The following ATCAY variants were observed in gnomAD, a reference collection of about 807,000 sequenced individuals.
ATCAY encodes ATCAY kinesin light chain interacting caytaxin.
Under a neutral mutation model 47.7 loss-of-function variants are expected in ATCAY, and 22 were observed. The ratio of observed to expected loss-of-function variants is 0.46; its 90% CI spans 0.33 to 0.66. ATCAY has a LOEUF of 0.66. Among genes scored for constraint, ATCAY ranks in the 30% least tolerant of loss-of-function variants. The pLI, the probability that ATCAY is intolerant of heterozygous loss-of-function variation, is 0.02. For missense variants in ATCAY, 452 were observed against 515.0 expected (o/e 0.88, Z 1.18); for synonymous variants, 216 against 207.6 (o/e 1.04, Z -0.35).
At position 3,926,768 on chromosome 19, in the gene ATCAY, A is replaced by G. The variant is rs755119393; in HGVS notation, c.*2176A>G. ...GTGGAGCCACCGGCTGTGACGGGAC[A>G]CCTCTGGGTCTCAGCATTGCCCTGG... is the stretch of plus-strand genomic sequence containing the variant. On this transcript the variant is annotated 3_prime_UTR_variant, in exon 13 of 13. Transcript: ENST00000450849. 1.3e-5 allele frequency: 2 copies of G among 152,134 alleles called. No individual in the cohort carries two copies. Among genetic ancestry groups the G allele is most frequent in the Non-Finnish European group, 2.9e-5 (2 of 68,026 alleles). The allele number at this position is 152,134 out of a possible 1,614,324, so 9.4% of individuals were successfully genotyped here.
intron 2 of ATCAY, among the ~76,000 whole-genome samples, chr19:3,887,679 G>T (rs1027135578): frequency 6.7e-6 from 1 of 150,298 alleles, no homozygotes; most frequent in East Asian, 2.0e-4. Context: ...GTAGAGACGG[G>T]GTTTCACCAT....
At chr19:3,917,518 G>A (rs1229742678) in intron 9 of ATCAY, among the ~76,000 whole-genome samples, 1 of 145,444 alleles carries the variant, frequency 6.9e-6, no homozygotes, top group Non-Finnish European at 1.5e-5. Flanking sequence ...CGGGGAGGTG[G>A]AGGTTGCAGT....
rs541000774 is a variant in ATCAY at position 3,913,707 on chromosome 19, C to T, written c.867-51C>T. 7 of 1,471,270 alleles carry T rather than the reference C, an allele frequency of 4.8e-6. No individual in the cohort carries two copies. In the African/African-American group the frequency reaches 5.6e-5, roughly 12 times the overall value. The allele number at this position is 1,471,270 out of a possible 1,614,324, so 91.1% of individuals were successfully genotyped here. The stretch of plus-strand genomic sequence containing the variant: ...TGGCTCTGTCTGGACCTAGGTAACC[C>T]CCACCCCATGGGTTGCATTTCAGAC... On this transcript the variant is annotated intron_variant, in intron 8 of 12. Transcript: ENST00000450849.
chr19:3,905,618 G>A lies in ATCAY; in HGVS notation c.321G>A (p.Leu107=). The A allele has an allele frequency of 6.2e-7, 1 of 1,613,642 alleles. No individual in the cohort carries two copies. The highest frequency in any genetic ancestry group is 8.5e-7 in the Non-Finnish European group (1 of 1,179,824). ...AGACCCCCGATGAGACCGACTCGCT[G>A]GAGTTCCTGGGGAATGGCAACGAAC... ...DIETPDETDS[L]EFLGNGNELE... is the part of the protein sequence containing the mutation. Residue 107 remains leucine, a synonymous_variant, in exon 4 of 13, where the codon CTG becomes CTA. Transcript: ENST00000450849.
intron 2 of ATCAY, chr19:3,895,222 GTT>G: frequency 2.2e-6 from 1 of 456,090 alleles, no homozygotes; most frequent in Non-Finnish European, 4.4e-6. Flanking sequence ...TGCAGTTTTT[GTT>G]TTTGTTTTTG....
chr19:3,894,144 G>A (rs2038743865), intron 2 of ATCAY, among the ~76,000 whole-genome samples: 1 of 151,884 alleles, frequency 6.6e-6, no homozygotes, highest in Non-Finnish European at 1.5e-5. Flanking sequence ...CTTGAGCCCA[G>A]GAGTTCAAGA....
chr19:3,891,651 G>A (rs2038720283), intron 2 of ATCAY, among the ~76,000 whole-genome samples: 1 of 151,510 alleles, frequency 6.6e-6, no homozygotes, highest in South Asian at 2.1e-4. Flanking sequence ...AGAGAGGGCA[G>A]CATGTGCAAA....
intron 10 of ATCAY, among the ~76,000 whole-genome samples, chr19:3,918,554 C>CAAAA (rs762114179): frequency 7.0e-5 from 10 of 143,000 alleles, no homozygotes; most frequent in African/African-American, 2.1e-4. Context: ...GATCCTGTCT[C>CAAAA]AAAAAAAAAA....
intron 2 of ATCAY, among the ~76,000 whole-genome samples, chr19:3,892,132 C>T (rs907346783): frequency 3.4e-4 from 51 of 152,074 alleles, no homozygotes; most frequent in Admixed American, 7.2e-4. Context: ...TCAAGTGATC[C>T]ACCCGCCTCA....
At chr19:3,908,519 T>G (rs2038886658) in intron 6 of ATCAY, 149 bp downstream of exon 6, 1 of 754,412 alleles carries the variant, frequency 1.3e-6, no homozygotes, top group Non-Finnish European at 2.3e-6. Context: ...TTGATCTGAG[T>G]CCCTGCTGGC....
rs186838241 is a variant in ATCAY, at chr19:3,918,081, A to G, written c.1001+304A>G. Reference sequence around the variant, plus strand: ...ACAGACTTCACGCTCCATAAAGCATAAAAGTCAAGACGGGCGCGGTGGCTC... The same window carrying G: ...ACAGACTTCACGCTCCATAAAGCATGAAAGTCAAGACGGGCGCGGTGGCTC... On this transcript the variant is annotated intron_variant, in intron 10 of 12. Coordinates refer to ENST00000450849, the MANE Select transcript of ATCAY (RefSeq NM_033064.5). 1.9e-3 allele frequency among the ~76,000 whole-genome samples: 293 copies of G among 152,234 alleles called. 2 individuals carry two copies. The highest frequency in any genetic ancestry group is 6.5e-3 in the African/African-American group (270 of 41,554).
chr19:3,883,289 C>G lies in ATCAY; in HGVS notation c.-42+2281C>G, dbSNP rs540773199. On this transcript the variant is annotated intron_variant, in intron 1 of 12. Transcript: ENST00000450849. ...CTCAAGAGGTGGAGGTTGCAGTGAG[C>G]CGAGATCGCACCACTGCACTCTAGC... Among the ~76,000 whole-genome samples the G allele has an allele frequency of 5.3e-5, 8 of 152,158 alleles. No homozygotes were observed. The East Asian group carries it at 1.2e-3, about 22-fold the overall frequency.
intron 12 of ATCAY, among the ~76,000 whole-genome samples, chr19:3,923,101 A>C (rs1279883124): frequency 2.0e-5 from 3 of 152,132 alleles, no homozygotes; most frequent in African/African-American, 7.2e-5. Context: ...CTTACTACCC[A>C]TGTGACCCAG....
intron 2 of ATCAY, among the ~76,000 whole-genome samples, chr19:3,892,070 A>G (rs1462487574): frequency 6.6e-6 from 1 of 151,538 alleles, no homozygotes; most frequent in Non-Finnish European, 1.5e-5. Flanking sequence ...TTGTATTTTT[A>G]GCAGAGATGG....
chr19:3,917,552 T>C (rs1315649127), intron 9 of ATCAY, among the ~76,000 whole-genome samples, 190 bp from the exon 10 acceptor site: 1 of 115,682 alleles, frequency 8.6e-6, no homozygotes, highest in Non-Finnish European at 1.6e-5. Flanking sequence ...ACCACTGCAC[T>C]CCAGCTTGGG....
chr19:3,922,147 G>C, intron 12 of ATCAY: 2 of 702,582 alleles, frequency 2.8e-6, no homozygotes, highest in Non-Finnish European at 2.6e-6. Flanking sequence ...CTGTCTGCAT[G>C]GCTTTTCTTA....
intron 2 of ATCAY, among the ~76,000 whole-genome samples, chr19:3,888,587 G>A (rs915385466): frequency 2.9e-4 from 44 of 152,078 alleles, no homozygotes; most frequent in Admixed American, 2.0e-3. Flanking sequence ...CCGAGATCGC[G>A]CCACTGGACT....
intron 8 of ATCAY, among the ~76,000 whole-genome samples, chr19:3,911,914 T>C (rs2038925465): frequency 6.6e-6 from 1 of 152,168 alleles, no homozygotes; most frequent in Non-Finnish European, 1.5e-5. Context: ...CTAAGTACCC[T>C]GAAGGGGCTT....
intron 9 of ATCAY, among the ~76,000 whole-genome samples, chr19:3,917,509 G>A (rs1421535763): frequency 3.9e-5 from 4 of 101,494 alleles, no homozygotes; most frequent in South Asian, 4.6e-4. Context: ...CACTCAAACC[G>A]GGGAGGTGGA....
Sources: gnomAD v4.1 joint callset for allele counts (sites outside exome capture counted in the v4.1 genomes callset) on GRCh38, gnomAD v4.1.1 for gene constraint, MANE v1.5 for transcripts, NCBI Gene and HGNC (gene_info 2026-07-23, HGNC 2026-07-21) for gene names.